The following SYT7 variants were observed in gnomAD, a reference collection of about 807,000 sequenced individuals.
SYT7 encodes the protein synaptotagmin 7.
A neutral mutation model predicts 75.1 loss-of-function variants in SYT7; 29 were observed. The ratio of observed to expected loss-of-function variants is 0.39; its 90% CI spans 0.29 to 0.53. The LOEUF (loss-of-function observed/expected upper bound fraction) is 0.53. SYT7 is among the 20% of genes least tolerant of loss of function. SYT7 has a pLI of 0.77. For missense variants in SYT7, 693 were observed against 953.2 expected (o/e 0.73, Z 3.59); for synonymous variants, 376 against 401.7 (o/e 0.94, Z 0.76).
In SYT7 at chr11:61,542,788, C is replaced by G. The variant is rs1018995507; in HGVS notation, c.573-209G>C. On this transcript the variant is annotated intron_variant, in intron 5 of 12. Transcript: ENST00000539008. This position sits in a 1 kb window ranked among gnomAD's most constrained non-coding sequence, Gnocchi z 7.8. Reference sequence around the variant, plus strand: ...CAAAGCCCTCGCGCCCACCCTGAGGCCCCAGGCCGGCTCTGCCCACCCACC... The same window carrying G: ...CAAAGCCCTCGCGCCCACCCTGAGGGCCCAGGCCGGCTCTGCCCACCCACC... Among the ~76,000 whole-genome samples the G allele has an allele frequency of 1.2e-4, 19 of 152,216 alleles. No individual in the cohort carries two copies. Among genetic ancestry groups the G allele is most frequent in the African/African-American group, 4.3e-4 (18 of 41,450 alleles).
intron 1 of SYT7, among the ~76,000 whole-genome samples, chr11:61,567,271 G>T (rs2063795186): frequency 6.6e-6 from 1 of 152,156 alleles, no homozygotes; most frequent in Non-Finnish European, 1.5e-5. Context: ...TTCCCTCTAC[G>T]AGATGCCGTT....
At chr11:61,562,544 G>C (rs1349010910) in intron 1 of SYT7, among the ~76,000 whole-genome samples, 1 of 152,212 alleles carries the variant, frequency 6.6e-6, no homozygotes, top group African/African-American at 2.4e-5. Flanking sequence ...AGTGATATCT[G>C]GGGCACGGAG....
chr11:61,538,045 C>A, intron 7 of SYT7, 99 bp downstream of exon 7: 1 of 1,486,486 alleles, frequency 6.7e-7, no homozygotes, highest in Non-Finnish European at 9.0e-7. Flanking sequence ...GCTGAAGGCA[C>A]CACCACCTCG....
At chr11:61,579,639 C>T in intron 1 of SYT7, among the ~76,000 whole-genome samples, 1 of 152,196 alleles carries the variant, frequency 6.6e-6, no homozygotes, top group East Asian at 1.9e-4. Context: ...AAGCCAGCAC[C>T]CACTGGACTG....
At chr11:61,534,445 G>GCGCACA (rs1555004889) in intron 7 of SYT7, among the ~76,000 whole-genome samples, 2 of 151,538 alleles carry the variant, frequency 1.3e-5, no homozygotes, top group Non-Finnish European at 3.0e-5. Flanking sequence ...GCACACGCAC[G>GCGCACA]CACACACGCA....
intron 6 of SYT7, chr11:61,541,355 A>G (rs1565182849): frequency 1.0e-6 from 1 of 959,272 alleles, no homozygotes; most frequent in Non-Finnish European, 1.2e-6. Flanking sequence ...ATGGCAGCCC[A>G]GACCTGTCTT....
At position 61,514,646 on chromosome 11, in the gene SYT7, G is replaced by A. The variant is rs1302583451; in HGVS notation, c.*3981C>T. On this transcript the variant is annotated 3_prime_UTR_variant, in exon 13 of 13. Coordinates refer to ENST00000539008, the MANE Select transcript of SYT7 (RefSeq NM_001365809.2). ...ATGGGGATGGTTATTGCTTTGTTGT[G>A]GCCAGAAGAAACAGGTGGAAGGAAA... Among the ~76,000 whole-genome samples, 1 of 152,142 alleles carries A rather than the reference G, an allele frequency of 6.6e-6. No individual in the cohort carries two copies. The highest frequency in any genetic ancestry group is 2.4e-5 in the African/African-American group (1 of 41,430).
At position 61,551,505 on chromosome 11, in the gene SYT7, G is replaced by T. The variant is rs199499376; in HGVS notation, c.136-42C>A. ...AGGATCACTCCTGGGGAACAGGACT[G>T]TACCCTCCCTACCTCCCCAGAACAG... is the stretch of plus-strand genomic sequence containing the variant. On this transcript the variant is annotated intron_variant, in intron 2 of 12. Transcript: ENST00000539008. The surrounding 1 kb of genome is among the most constrained non-coding windows in gnomAD (Gnocchi z 5.3). 6.3e-7 allele frequency: 1 copy of T among 1,594,720 alleles called. No individual in the cohort carries two copies. Among genetic ancestry groups the T allele is most frequent in the East Asian group, 2.2e-5 (1 of 44,764 alleles).
intron 9 of SYT7, 66 bp downstream of exon 9, chr11:61,527,849 G>T (rs2135103561): frequency 6.3e-7 from 1 of 1,579,134 alleles, no homozygotes; most frequent in East Asian, 2.2e-5. Context: ...CCACAAGTGT[G>T]GTTGGGTAGG....
At chr11:61,530,590 G>A (rs914257954) in intron 8 of SYT7, among the ~76,000 whole-genome samples, 10 of 152,150 alleles carry the variant, frequency 6.6e-5, no homozygotes, top group Non-Finnish European at 1.5e-4. Flanking sequence ...GCATAGCATG[G>A]GTAGACAGTG....
At chr11:61,534,113 G>A (rs1466680037) in intron 7 of SYT7, among the ~76,000 whole-genome samples, 2 of 152,190 alleles carry the variant, frequency 1.3e-5, no homozygotes, top group Non-Finnish European at 2.9e-5. Flanking sequence ...TGAGGAGGAA[G>A]AGAGGTAGGG....
chr11:61,579,561 G>C (rs75033012), intron 1 of SYT7, among the ~76,000 whole-genome samples: 3,993 of 152,208 alleles, frequency 0.026, 77 homozygotes, highest in Non-Finnish European at 0.038. Flanking sequence ...TTCCTCAGGA[G>C]GCAGGGACAG....
At chr11:61,581,536 G>T (rs1448861647), upstream of SYT7, among the ~76,000 whole-genome samples, 2 of 152,248 alleles carry the variant, frequency 1.3e-5, no homozygotes, top group Non-Finnish European at 2.9e-5. Flanking sequence ...GTCAGCTCCG[G>T]ACTCAACACC....
intron 12 of SYT7, among the ~76,000 whole-genome samples, chr11:61,519,169 A>C (rs770961905): frequency 1.2e-4 from 18 of 152,222 alleles, no homozygotes; most frequent in Non-Finnish European, 1.9e-4. Context: ...TACAACTGTG[A>C]GGTAGGATTA....
chr11:61,558,505 T>TAC (rs34301756), intron 1 of SYT7, among the ~76,000 whole-genome samples: 11,653 of 134,518 alleles, frequency 0.087, 457 homozygotes, highest in Middle Eastern at 0.12. Flanking sequence ...CACACACACA[T>TAC]ACACACACAC....
rs891848215 is a variant in SYT7 at position 61,556,015 on chromosome 11, C to T, written c.135+89G>A. 3 of 1,268,072 alleles carry T rather than the reference C, an allele frequency of 2.4e-6. No individual in the cohort carries two copies. In the African/African-American group the frequency reaches 4.4e-5, roughly 19 times the overall value. 78.6% of individuals were successfully genotyped at this position (1,268,072 alleles called of 1,614,324 possible). A position where few individuals can be genotyped will look rare whatever the true frequency, so the allele number is the denominator to read the frequency against. On this transcript the variant is annotated intron_variant, in intron 2 of 12. Transcript: ENST00000539008. ...ACCTGTGTGCACCCTTGGGAAAATT[C>T]CCAAGCCTGTAATTGTGTGTGTGTG...
At chr11:61,555,881 G>T (rs1037150241) in intron 2 of SYT7, among the ~76,000 whole-genome samples, 6 of 152,224 alleles carry the variant, frequency 3.9e-5, no homozygotes, top group African/African-American at 1.2e-4. Context: ...TATATAAACA[G>T]AAGTATAGGG....
At chr11:61,558,485 T>TACACAC (rs777352659) in intron 1 of SYT7, among the ~76,000 whole-genome samples, 13 of 137,524 alleles carry the variant, frequency 9.5e-5, no homozygotes, top group African/African-American at 2.8e-4. Flanking sequence ...AATATATATA[T>TACACAC]ACACACACAC....
At position 61,546,759 on chromosome 11, in the gene SYT7, A is replaced by AACCACCGACCACCG. The variant is rs1003270084; in HGVS notation, c.347+404_347+417dup. On this transcript the variant is annotated intron_variant, in intron 4 of 12. Coordinates refer to ENST00000539008, the MANE Select transcript of SYT7 (RefSeq NM_001365809.2). This position sits in a 1 kb window ranked among gnomAD's most constrained non-coding sequence, Gnocchi z 7.6. ...CACCATCACCGCCACCACCGCCACG[A>AACCACCGACCACCG]ACCACCGACCACCGACCACCGACCA... 1.4e-4 allele frequency: 60 copies of AACCACCGACCACCG among 418,902 alleles called. 1 individual carries two copies. The highest frequency in any genetic ancestry group is 8.8e-4 in the South Asian group (51 of 57,860). The allele number at this position is 418,902 out of a possible 1,614,324, so 25.9% of individuals were successfully genotyped here. A position where few individuals can be genotyped will look rare whatever the true frequency, so the allele number is the denominator to read the frequency against.
Sources: gnomAD v4.1 joint callset for allele counts (sites outside exome capture counted in the v4.1 genomes callset) on GRCh38, gnomAD v4.1.1 for gene constraint, Gnocchi (gnomAD v3.1) non-coding constraint, MANE v1.5 for transcripts, NCBI Gene and HGNC (gene_info 2026-07-23, HGNC 2026-07-21) for gene names.